Variants in RUFY4 observed in about 807,000 individuals in gnomAD.
RUFY4 encodes RUN and FYVE domain-containing protein 4.
A neutral mutation model predicts 69.0 loss-of-function variants in RUFY4; 73 were observed. That is an observed-to-expected ratio of 1.06 (90% CI 0.88 to 1.29). The LOEUF is 1.29. RUFY4 is among the 50% of genes most tolerant of loss of function. The pLI, the probability that RUFY4 is intolerant of heterozygous loss-of-function variation, is 0.00. For synonymous variants in RUFY4, 287 were observed against 271.8 expected, an observed-to-expected ratio of 1.06 and a Z score of -0.55; for missense variants, 770 against 705.6, an observed-to-expected ratio of 1.09 and a Z score of -1.03.
chr2:218,085,470 G>A (rs537707977), intron 9 of RUFY4, among the ~76,000 whole-genome samples: 1 of 152,244 alleles, frequency 6.6e-6, no homozygotes, highest in South Asian at 2.1e-4. Flanking sequence ...GACTATAAAA[G>A]ACTAAAACTT....
At chr2:218,056,689 G>A (rs775585035) in intron 2 of RUFY4, among the ~76,000 whole-genome samples, 7 of 152,198 alleles carry the variant, frequency 4.6e-5, no homozygotes, top group Admixed American at 6.5e-5. Context: ...AGCATTCAGT[G>A]CACAAAGGGC....
rs35134006 is a variant in RUFY4 at position 218,053,346 on chromosome 2, CTTT to C, written c.-1157-5234_-1157-5232del. 2.2e-3 allele frequency among the ~76,000 whole-genome samples: 304 copies of C among 135,148 alleles called. 6 individuals are homozygous for C. In the South Asian group the frequency reaches 0.049, roughly 22 times the overall value. 88.7% of individuals were successfully genotyped at this position (135,148 alleles called of 152,430 possible). On this transcript the variant is annotated intron_variant and NMD_transcript_variant, in intron 2 of 13. Transcript: ENST00000457754. The stretch of plus-strand genomic sequence containing the variant: ...GTCAAATAACGAAATGATATTAAAC[CTTT>C]TTTTTTTTTTTTTTGAAACAGGGTC...
chr2:218,081,094 C>A (rs1445883922), intron 8 of RUFY4, among the ~76,000 whole-genome samples: 1 of 152,194 alleles, frequency 6.6e-6, no homozygotes, highest in Non-Finnish European at 1.5e-5. Flanking sequence ...TTCCATGTCC[C>A]CTCGTGTGCT....
At chr2:218,070,266 C>G, upstream of RUFY4, 2 of 355,096 alleles carry the variant, frequency 5.6e-6, no homozygotes, top group East Asian at 1.3e-4. Flanking sequence ...GACTTACCCT[C>G]TCCAATCCCC....
At chr2:218,070,124 C>A (rs1055198508), upstream of RUFY4, among the ~76,000 whole-genome samples, 4 of 152,178 alleles carry the variant, frequency 2.6e-5, no homozygotes, top group Non-Finnish European at 1.5e-5. Context: ...GGAGTGGACA[C>A]CCCCAGCCTA....
exon 8 of RUFY4, chr2:218,076,512 C>T (rs1460739070): frequency 6.4e-7 from 1 of 1,550,546 alleles, no homozygotes; most frequent in East Asian, 2.4e-5. Flanking sequence ...GAGCTGCAGG[C>T]ACTTCGGGAG....
chr2:218,083,135 C>T lies in RUFY4; in HGVS notation c.1381C>T (p.Gln461Ter). 6.2e-7 allele frequency: 1 copy of T among 1,613,478 alleles called. No homozygotes were observed. The highest frequency in any genetic ancestry group is 1.3e-5 in the African/African-American group (1 of 74,972). ...GTGTCAGGAAGAGAGAGCCGAGCTG[C>T]AGGCACAGCTGGAGCAGAAGCAACA... The change falls in exon 9 of 11, where the codon CAG becomes TAG. Residue 461 changes from glutamine to a stop codon, truncating the protein, a stop_gained. Coordinates refer to ENST00000344321, the Ensembl canonical transcript of RUFY4. LOFTEE classifies it high-confidence loss of function.
In RUFY4 at chr2:218,075,073, G is replaced by A. The variant is rs764163913; in HGVS notation, c.601-20G>A. Reference sequence around the variant, plus strand: ...GAATTGGTGCTGAGAGGGATGACTGGTTTTGGGTCCTCTCCACAGATCCCA... The same window carrying A: ...GAATTGGTGCTGAGAGGGATGACTGATTTTGGGTCCTCTCCACAGATCCCA... On this transcript the variant is annotated intron_variant, in intron 6 of 10. Transcript: ENST00000344321. The A allele has an allele frequency of 1.1e-5, 16 of 1,494,742 alleles. No homozygotes were observed. The East Asian group carries it at 3.9e-4, about 37-fold the overall frequency. 92.6% of individuals were successfully genotyped at this position (1,494,742 alleles called of 1,614,324 possible). A position where few individuals can be genotyped will look rare whatever the true frequency, so the allele number is the denominator to read the frequency against.
At chr2:218,054,609 T>C (rs1320552526) in intron 2 of RUFY4, among the ~76,000 whole-genome samples, 1 of 151,262 alleles carries the variant, frequency 6.6e-6, no homozygotes, top group Non-Finnish European at 1.5e-5. Flanking sequence ...TCTAAAACTC[T>C]AACGAGAAGA....
intron 2 of RUFY4, among the ~76,000 whole-genome samples, chr2:218,037,089 C>T (rs1044287642): frequency 2.2e-4 from 34 of 152,082 alleles, no homozygotes; most frequent in Non-Finnish European, 1.6e-4. Flanking sequence ...GAGGCTGAGG[C>T]GGGCGGATCA....
At chr2:218,068,343 A>G (rs887607689), upstream of RUFY4, among the ~76,000 whole-genome samples, 5 of 152,056 alleles carry the variant, frequency 3.3e-5, no homozygotes, top group African/African-American at 7.2e-5. Context: ...GGAGGGCAAG[A>G]AAGAGACCAA....
intron 2 of RUFY4, among the ~76,000 whole-genome samples, chr2:218,036,715 A>G (rs760256365): frequency 6.7e-4 from 102 of 152,340 alleles, no homozygotes; most frequent in Middle Eastern, 3.4e-3. Context: ...TAAGAGAGGT[A>G]AGAGATTCAC....
At chr2:218,046,664 T>C (rs1393449562) in intron 2 of RUFY4, among the ~76,000 whole-genome samples, 2 of 152,182 alleles carry the variant, frequency 1.3e-5, no homozygotes, top group African/African-American at 4.8e-5. Flanking sequence ...TACCAGGAAA[T>C]ATGAGACGTC....
Position 218,089,907 on chromosome 2 carries a change from C to A in RUFY4, c.1614-45C>A, listed in dbSNP as rs772682449. 90 of 1,384,164 alleles carry A rather than the reference C, an allele frequency of 6.5e-5. No individual in the cohort carries two copies. The East Asian group carries it at 2.2e-3, about 34-fold the overall frequency. The allele number at this position is 1,384,164 out of a possible 1,614,324, so 85.7% of individuals were successfully genotyped here. On this transcript the variant is annotated intron_variant, in intron 10 of 10. Transcript: ENST00000344321. ...ACCTCAGCGCCCACTTGGGGAAGTG[C>A]CAGCTGCAGAGGCCGCCCCAGGCTT...
At chr2:218,077,180 C>A (rs1442855973) in intron 8 of RUFY4, among the ~76,000 whole-genome samples, 1 of 152,222 alleles carries the variant, frequency 6.6e-6, no homozygotes, top group African/African-American at 2.4e-5. Context: ...ACTCCAGAAC[C>A]AGTGGGCTCA....
At chr2:218,061,087 G>T (rs1025608054) in intron 3 of RUFY4, 9 of 582,640 alleles carry the variant, frequency 1.5e-5, no homozygotes, top group African/African-American at 1.5e-4. Context: ...CAAAAATCCA[G>T]CCATTCATCT....
chr2:218,067,584 G>GGGAT (rs1689371884), upstream of RUFY4, among the ~76,000 whole-genome samples: 1 of 152,196 alleles, frequency 6.6e-6, no homozygotes, highest in African/African-American at 2.4e-5. Flanking sequence ...CACACCAGCT[G>GGGAT]GGATGGAGCT....
chr2:218,074,020 C>T (rs577724868), intron 6 of RUFY4, 135 bp downstream of exon 8: 1 of 875,540 alleles, frequency 1.1e-6, no homozygotes, highest in Non-Finnish European at 1.9e-6. Context: ...AGCAAGAGGC[C>T]AGTGTGTGGA....
rs118096217 is a variant in RUFY4, at chr2:218,036,592, G to C, written c.-1158+1198G>C. Among the ~76,000 whole-genome samples, 8 of 152,340 alleles carry C rather than the reference G, an allele frequency of 5.3e-5. No individual in the cohort carries two copies. The East Asian group carries it at 1.5e-3, about 29-fold the overall frequency. ...TTAGATGACGTAAAACTTTGGGTTTGATGTGACAGAACCAACACTCCCTCA... is the reference window on the plus strand; with the variant it reads ...TTAGATGACGTAAAACTTTGGGTTTCATGTGACAGAACCAACACTCCCTCA... On this transcript the variant is annotated intron_variant and NMD_transcript_variant, in intron 2 of 13. Transcript: ENST00000457754.
Sources: gnomAD v4.1 joint callset for allele counts (sites outside exome capture counted in the v4.1 genomes callset) on GRCh38, gnomAD v4.1.1 for gene constraint, MANE v1.5 for transcripts, NCBI Gene and HGNC (gene_info 2026-07-23, HGNC 2026-07-21) for gene names.